Variants in PCDHA2 observed in about 807,000 individuals in gnomAD.
The protein encoded by PCDHA2 is protocadherin alpha 2, also known as protocadherin alpha-2.
In PCDHA2, 58 loss-of-function variants were observed where a neutral mutation model predicts 66.0. The observed-to-expected ratio is 0.88, with a 90% CI of 0.71 to 1.09. The LOEUF (loss-of-function observed/expected upper bound fraction) is 1.09, where lower values mean the gene tolerates loss of function less well. Ranked by LOEUF, PCDHA2 falls within the 50% of genes least tolerant of loss-of-function variation. The pLI is 0.00. For missense variants in PCDHA2, 1,267 were observed against 1,242.3 expected (o/e 1.02, Z -0.30); for synonymous variants, 634 against 554.0 (o/e 1.14, Z -2.03).
intron 1 of PCDHA2, among the ~76,000 whole-genome samples, chr5:140,901,207 T>G (rs894216497): frequency 6.6e-6 from 1 of 152,206 alleles, no homozygotes; most frequent in Non-Finnish European, 1.5e-5. Flanking sequence ...AGAAGGTTTT[T>G]AAGTTGATGT....
chr5:140,941,809 TAG>T (rs1477400878), intron 1 of PCDHA2, among the ~76,000 whole-genome samples: 5 of 152,254 alleles, frequency 3.3e-5, no homozygotes, highest in Non-Finnish European at 5.9e-5. Context: ...TTGATTTCAG[TAG>T]GATGACTGCT....
intron 1 of PCDHA2, among the ~76,000 whole-genome samples, chr5:140,933,870 T>C (rs2089481018): frequency 6.6e-6 from 1 of 152,092 alleles, no homozygotes. Context: ...CAGATATATG[T>C]TAGTTTTATC....
chr5:141,006,105 G>T (rs2098255059), intron 3 of PCDHA2, among the ~76,000 whole-genome samples: 1 of 143,364 alleles, frequency 7.0e-6, no homozygotes. Context: ...ATGGTAAGGA[G>T]TTTTTTTTTT....
At chr5:140,802,811 C>A (rs539786276) in intron 1 of PCDHA2, 36 of 1,613,360 alleles carry the variant, frequency 2.2e-5, no homozygotes, top group Middle Eastern at 3.4e-4. Flanking sequence ...TGAGTGCGCG[C>A]GATGCGGGCG....
At chr5:140,993,364 T>G (rs1285844193) in intron 3 of PCDHA2, among the ~76,000 whole-genome samples, 1 of 151,930 alleles carries the variant, frequency 6.6e-6, no homozygotes, top group Non-Finnish European at 1.5e-5. Flanking sequence ...TCACAAAAAC[T>G]ACCTCCCAGC....
intron 1 of PCDHA2, chr5:140,841,882 T>A: frequency 6.2e-7 from 1 of 1,613,800 alleles, no homozygotes; most frequent in Non-Finnish European, 8.5e-7. Context: ...CAAAGAACGA[T>A]GAGAATAAAC....
chr5:140,883,433 T>G lies in PCDHA2; in HGVS notation c.2388+86081T>G, dbSNP rs201972709. 38 of 1,614,170 alleles carry G rather than the reference T, an allele frequency of 2.4e-5. No individual in the cohort carries two copies. In the East Asian group the frequency reaches 7.8e-4, roughly 33 times the overall value. ...CTCAAATGGACAGGTCACCTGCACC[T>G]TGACGCCGCATGTCCCCTTCAAGCT... On this transcript the variant is annotated intron_variant, in intron 1 of 3. Transcript: ENST00000526136.
intron 3 of PCDHA2, among the ~76,000 whole-genome samples, chr5:140,994,104 T>C (rs1356172498): frequency 6.6e-6 from 1 of 152,210 alleles, no homozygotes; most frequent in Non-Finnish European, 1.5e-5. Context: ...ATGGAAATAT[T>C]ACATTGTCAT....
At chr5:140,880,877 A>G (rs1399131370) in intron 1 of PCDHA2, among the ~76,000 whole-genome samples, 8 of 152,232 alleles carry the variant, frequency 5.3e-5, no homozygotes, top group Non-Finnish European at 8.8e-5. Context: ...GAGGTAAATA[A>G]AGAAATGTAG....
At chr5:140,876,361 C>A in intron 1 of PCDHA2, 1 of 1,613,880 alleles carries the variant, frequency 6.2e-7, no homozygotes. Flanking sequence ...TTCAATAAAT[C>A]CAGACACAGG....
At chr5:140,943,796 C>T (rs2093568961) in intron 1 of PCDHA2, among the ~76,000 whole-genome samples, 1 of 152,032 alleles carries the variant, frequency 6.6e-6, no homozygotes, top group Non-Finnish European at 1.5e-5. Flanking sequence ...TTATGCAAAG[C>T]AAAAGAGGAA....
At chr5:140,861,457 A>T (rs2046932948) in intron 1 of PCDHA2, 1 of 493,524 alleles carries the variant, frequency 2.0e-6, no homozygotes, top group African/African-American at 2.0e-5. Flanking sequence ...AACCTTCTGG[A>T]GGTAAATCTG....
intron 1 of PCDHA2, chr5:140,861,390 C>G (rs970688451): frequency 2.0e-5 from 9 of 450,942 alleles, no homozygotes; most frequent in Admixed American, 6.9e-5. Flanking sequence ...GGACCTGGGT[C>G]TGGAGCTTGT....
At chr5:140,835,925 C>A (rs1375358248) in intron 1 of PCDHA2, 3 of 1,612,234 alleles carry the variant, frequency 1.9e-6, no homozygotes, top group Non-Finnish European at 2.5e-6. Flanking sequence ...ACGCGGAGAG[C>A]GGCAAGGTGT....
chr5:140,927,839 G>T (rs782594719), intron 1 of PCDHA2: 1 of 1,614,208 alleles, frequency 6.2e-7, no homozygotes, highest in South Asian at 1.1e-5. Context: ...AGGGACGAAG[G>T]TGTCTTTGGT....
rs2098422174 is a variant in PCDHA2 at position 141,011,893 on chromosome 5, T to G, written c.*1956T>G. On this transcript the variant is annotated 3_prime_UTR_variant, in exon 4 of 4. Coordinates refer to ENST00000526136, the MANE Select transcript of PCDHA2 (RefSeq NM_018905.3). ...CAATTTAGAAGTTTGATTAATTATATTATCTATTTAGGCATTAATATAAAA... is the reference window on the plus strand; with the variant it reads ...CAATTTAGAAGTTTGATTAATTATAGTATCTATTTAGGCATTAATATAAAA... The G allele has an allele frequency of 6.5e-6, 1 of 153,362 alleles. No individual in the cohort carries two copies. Among genetic ancestry groups the G allele is most frequent in the Admixed American group, 6.5e-5 (1 of 15,272 alleles). 9.5% of individuals were successfully genotyped at this position (153,362 alleles called of 1,614,324 possible). A position where few individuals can be genotyped will look rare whatever the true frequency, so the allele number is the denominator to read the frequency against.
chr5:140,951,662 G>A (rs1246504133), intron 1 of PCDHA2, among the ~76,000 whole-genome samples: 1 of 152,150 alleles, frequency 6.6e-6, no homozygotes, highest in African/African-American at 2.4e-5. Context: ...ACCAGGGCCT[G>A]CCTACAAAAT....
intron 1 of PCDHA2, chr5:140,808,817 C>G: frequency 6.2e-7 from 1 of 1,612,850 alleles, no homozygotes; most frequent in Non-Finnish European, 8.5e-7. Flanking sequence ...CGGCGTGCCA[C>G]CTCTGGGCAG....
chr5:140,921,932 T>C (rs1249285993), intron 1 of PCDHA2, among the ~76,000 whole-genome samples: 1 of 152,080 alleles, frequency 6.6e-6, no homozygotes, highest in Non-Finnish European at 1.5e-5. Context: ...ATAGTCAATA[T>C]AATTTTACAC....
Sources: allele counts gnomAD v4.1 joint callset (sites outside exome capture counted in the v4.1 genomes callset), GRCh38; gene constraint gnomAD v4.1.1; transcripts MANE v1.5; gene names NCBI Gene and HGNC (gene_info 2026-07-23, HGNC 2026-07-21).